Variants in TMEM268 observed in about 807,000 individuals in gnomAD.
The protein encoded by TMEM268 is transmembrane protein 268, also known as transmembrane protein C9orf91.
In TMEM268, 24 loss-of-function variants were observed where a neutral mutation model predicts 39.1. The ratio of observed to expected loss-of-function variants is 0.61; its 90% CI spans 0.44 to 0.86. The LOEUF (loss-of-function observed/expected upper bound fraction) is 0.86. Ranked by LOEUF, TMEM268 falls within the 40% of genes least tolerant of loss-of-function variation. TMEM268 has a pLI of 0.00. For synonymous variants in TMEM268, 176 were observed against 173.5 expected (o/e 1.01, Z -0.12); for missense variants, 409 against 428.6 (o/e 0.95, Z 0.40).
At chr9:114,637,455 G>C (rs1050817118) in intron 7 of TMEM268, among the ~76,000 whole-genome samples, 1 of 151,870 alleles carries the variant, frequency 6.6e-6, no homozygotes, top group Non-Finnish European at 1.5e-5. Flanking sequence ...ATCACACCTG[G>C]CTAATTTGTT....
intron 5 of TMEM268, among the ~76,000 whole-genome samples, chr9:114,631,912 G>A (rs547170180): frequency 7.2e-5 from 11 of 151,978 alleles, no homozygotes; most frequent in African/African-American, 2.7e-4. Flanking sequence ...ACCAGCCTGG[G>A]CAACATAGTG....
chr9:114,619,470 A>G (rs1310249235), intron 2 of TMEM268, among the ~76,000 whole-genome samples: 2 of 152,242 alleles, frequency 1.3e-5, no homozygotes, highest in Non-Finnish European at 2.9e-5. Context: ...AAGGCAAACA[A>G]AGACATCCTG....
intron 3 of TMEM268, among the ~76,000 whole-genome samples, chr9:114,624,667 T>A (rs1846085004): frequency 1.3e-5 from 2 of 152,352 alleles, no homozygotes; most frequent in East Asian, 3.9e-4. Flanking sequence ...GGGTGCCCAC[T>A]CTGTGCCAGG....
At chr9:114,614,148 A>C (rs1263199494) in intron 1 of TMEM268, among the ~76,000 whole-genome samples, 2 of 152,230 alleles carry the variant, frequency 1.3e-5, no homozygotes, top group Admixed American at 6.5e-5. Flanking sequence ...GTCAAAGAGC[A>C]TGTATGTGGC....
chr9:114,611,280 G>C (rs1329479551), upstream of TMEM268: 2 of 152,256 alleles, frequency 1.3e-5, no homozygotes, highest in Non-Finnish European at 1.5e-5. Flanking sequence ...GTCCCGGGGG[G>C]GCGCTCGGCT....
chr9:114,613,988 G>A (rs1469886412), intron 1 of TMEM268, among the ~76,000 whole-genome samples: 1 of 152,166 alleles, frequency 6.6e-6, no homozygotes, highest in Non-Finnish European at 1.5e-5. Flanking sequence ...GTTGAGGAAA[G>A]GGGCCTGTCT....
At chr9:114,623,124 G>A (rs539242762) in intron 2 of TMEM268, among the ~76,000 whole-genome samples, 3 of 151,616 alleles carry the variant, frequency 2.0e-5, no homozygotes, top group East Asian at 1.9e-4. Flanking sequence ...ACAACAACAA[G>A]CCAAACCAAC....
At chr9:114,617,429 C>G in intron 2 of TMEM268, 128 bp downstream of exon 2, 1 of 746,216 alleles carries the variant, frequency 1.3e-6, no homozygotes, top group Non-Finnish European at 2.4e-6. Context: ...GTCATTTTTA[C>G]CAGTTCTGTC....
At chr9:114,609,457 G>A (rs1195319877), upstream of TMEM268, among the ~76,000 whole-genome samples, 1 of 152,126 alleles carries the variant, frequency 6.6e-6, no homozygotes, top group East Asian at 1.9e-4. Context: ...TCACTTGAGT[G>A]TAGGAGTTTG....
chr9:114,610,123 T>C (rs1317326407), upstream of TMEM268, among the ~76,000 whole-genome samples: 5 of 151,524 alleles, frequency 3.3e-5, no homozygotes, highest in African/African-American at 1.2e-4. Flanking sequence ...CACCGCAACC[T>C]CCACCTCCCG....
intron 1 of TMEM268, among the ~76,000 whole-genome samples, chr9:114,611,871 G>A (rs961352686): frequency 1.3e-5 from 2 of 152,202 alleles, no homozygotes; most frequent in African/African-American, 4.8e-5. Context: ...GTTCCAGAGG[G>A]CGGAGACTGA....
At chr9:114,611,032 G>A (rs974331346), upstream of TMEM268, among the ~76,000 whole-genome samples, 2 of 152,216 alleles carry the variant, frequency 1.3e-5, no homozygotes, top group Non-Finnish European at 2.9e-5. Flanking sequence ...AGCAGCCTGG[G>A]CAACACAGCG....
chr9:114,617,136 G>T lies in TMEM268; in HGVS notation c.-60G>T. 8.8e-7 allele frequency: 1 copy of T among 1,134,816 alleles called. No homozygotes were observed. Among genetic ancestry groups the T allele is most frequent in the Non-Finnish European group, 1.3e-6 (1 of 778,640 alleles). 70.3% of individuals were successfully genotyped at this position (1,134,816 alleles called of 1,614,324 possible). On this transcript the variant is annotated 5_prime_UTR_variant, in exon 2 of 9. Coordinates refer to ENST00000288502, the MANE Select transcript of TMEM268 (RefSeq NM_153045.4). ...TCTGAAGGCATATGATGCTGAGCTGGCTGCTCCAGAATGAACCACAGCTCT... is the reference window on the plus strand; with the variant it reads ...TCTGAAGGCATATGATGCTGAGCTGTCTGCTCCAGAATGAACCACAGCTCT...
chr9:114,611,506 G>C lies in TMEM268; in HGVS notation c.-137G>C, dbSNP rs892560473. 86 of 162,902 alleles carry C rather than the reference G, an allele frequency of 5.3e-4. No homozygotes were observed. Among genetic ancestry groups the C allele is most frequent in the African/African-American group, 2.1e-3 (85 of 40,856 alleles). The allele number at this position is 162,902 out of a possible 1,614,324, so 10.1% of individuals were successfully genotyped here. A position where few individuals can be genotyped will look rare whatever the true frequency, so the allele number is the denominator to read the frequency against. ...CAGAGGCTGCGGCATTAGGGGCTCG[G>C]CGCCCCCGACCTTCCGCGTCCCGGG... On this transcript the variant is annotated 5_prime_UTR_variant, in exon 1 of 9. Transcript: ENST00000288502.
chr9:114,641,266 G>A (rs189742790), intron 8 of TMEM268, among the ~76,000 whole-genome samples: 1 of 152,312 alleles, frequency 6.6e-6, no homozygotes, highest in African/African-American at 2.4e-5. Flanking sequence ...GCTCAGTAAT[G>A]TGAAGTGACT....
At chr9:114,635,881 C>T (rs770338748) in intron 6 of TMEM268, among the ~76,000 whole-genome samples, 26 of 152,182 alleles carry the variant, frequency 1.7e-4, no homozygotes, top group Middle Eastern at 6.8e-3. Context: ...ACAGTTGCAG[C>T]GGGAGGATGG....
In TMEM268 at chr9:114,645,439, C is replaced by T. The variant is rs985953264; in HGVS notation, c.*2126C>T. ...CATTCAAGAGATGAGTCTGACCATT[C>T]ACTTTCTGTGTGCCAGAGAAGAGAG... On this transcript the variant is annotated 3_prime_UTR_variant, in exon 9 of 9. Transcript: ENST00000288502. The T allele has an allele frequency of 4.6e-5, 7 of 152,344 alleles. No homozygotes were observed. The highest frequency in any genetic ancestry group is 8.8e-5 in the Non-Finnish European group (6 of 68,038). The allele number at this position is 152,344 out of a possible 1,614,324, so 9.4% of individuals were successfully genotyped here.
At chr9:114,620,818 C>T (rs1845918029) in intron 2 of TMEM268, among the ~76,000 whole-genome samples, 1 of 152,052 alleles carries the variant, frequency 6.6e-6, no homozygotes, top group South Asian at 2.1e-4. Context: ...AAGTTTCCTC[C>T]TCAACTTTAC....
At chr9:114,616,272 C>T (rs1437706209) in intron 1 of TMEM268, among the ~76,000 whole-genome samples, 1 of 152,110 alleles carries the variant, frequency 6.6e-6, no homozygotes, top group African/African-American at 2.4e-5. Context: ...GCCTCGGCCT[C>T]CCAAAGTGCT....
Sources: allele counts gnomAD v4.1 joint callset (sites outside exome capture counted in the v4.1 genomes callset), GRCh38; gene constraint gnomAD v4.1.1; transcripts MANE v1.5; gene names NCBI Gene and HGNC (gene_info 2026-07-23, HGNC 2026-07-21).